Variants in TUT4 observed in about 807,000 individuals in gnomAD.
TUT4 encodes the protein terminal uridylyl transferase 4.
Under a neutral mutation model 192.2 loss-of-function variants are expected in TUT4, and 36 were observed. The ratio of observed to expected loss-of-function variants is 0.19; its 90% CI spans 0.14 to 0.25. The LOEUF is 0.25. Among genes scored for constraint, TUT4 ranks in the 10% least tolerant of loss-of-function variants. The pLI is 1.00. For missense variants in TUT4, 1,493 were observed against 1,957.2 expected, an observed-to-expected ratio of 0.76 and a Z score of 4.47; for synonymous variants, 618 against 666.0, an observed-to-expected ratio of 0.93 and a Z score of 1.11.
chr1:52,525,313 T>TACTA (rs995533521), intron 2 of TUT4, among the ~76,000 whole-genome samples: 3 of 152,240 alleles, frequency 2.0e-5, no homozygotes, highest in African/African-American at 4.8e-5. Flanking sequence ...CTAAAGAAGA[T>TACTA]ACTAAATTTT....
intron 1 of TUT4, among the ~76,000 whole-genome samples, chr1:52,539,990 G>A (rs550396027): frequency 7.5e-4 from 113 of 151,496 alleles, no homozygotes; most frequent in African/African-American, 2.2e-3. Context: ...AGGCCAAGGC[G>A]GGCAGATCAC....
chr1:52,459,676 T>A lies in TUT4; in HGVS notation c.3322-1227A>T, dbSNP rs1570531675. On this transcript the variant is annotated intron_variant, in intron 19 of 29. Coordinates refer to ENST00000257177, the MANE Select transcript of TUT4 (RefSeq NM_001009881.3). ...CGAGGCGGGCGGAGGAGGTCAGGAG[T>A]TCAAGACCAGCCTGGCCAACATGGC... is the stretch of plus-strand genomic sequence containing the variant. 3.3e-5 allele frequency among the ~76,000 whole-genome samples: 5 copies of A among 149,770 alleles called. 1 individual carries two copies. In the South Asian group the frequency reaches 1.1e-3, roughly 32 times the overall value.
In TUT4 at chr1:52,477,880, A is replaced by C. The variant is rs759616607; in HGVS notation, c.1851T>G (p.Ser617=). 1.3e-6 allele frequency: 2 copies of C among 1,576,038 alleles called. No individual in the cohort carries two copies. Among genetic ancestry groups the C allele is most frequent in the Admixed American group, 2.0e-5 (1 of 49,356 alleles). Residue 617 remains serine, a splice_region_variant and synonymous_variant, in exon 12 of 30, where the codon TCT becomes TCG. Coordinates refer to ENST00000257177, the MANE Select transcript of TUT4 (RefSeq NM_001009881.3). ...GATTTGGTGTTTCCAATGCTAAAGG[A>C]GACTGGAAAAGAAAAAATACTTTTC... The part of the protein sequence containing the change: ...SNAMKEKHGK[S]PLALETPNRV...
At chr1:52,482,131 T>C (rs998757789) in intron 9 of TUT4, among the ~76,000 whole-genome samples, 9 of 152,074 alleles carry the variant, frequency 5.9e-5, no homozygotes, top group Non-Finnish European at 1.2e-4. Context: ...CATACAAAGA[T>C]ACATATTTTT....
chr1:52,521,819 C>A (rs567075346), intron 2 of TUT4, among the ~76,000 whole-genome samples: 12 of 151,932 alleles, frequency 7.9e-5, no homozygotes, highest in African/African-American at 2.9e-4. Flanking sequence ...CAAAAATTAG[C>A]CAGGTGTGGT....
intron 5 of TUT4, 126 bp from the exon 6 acceptor site, chr1:52,495,641 CA>C (rs1672265588): frequency 1.7e-6 from 1 of 577,072 alleles, no homozygotes; most frequent in East Asian, 3.1e-5. Context: ...GACAATTATA[CA>C]AGAAGAACAC....
At chr1:52,485,344 C>A (rs1669520566) in intron 9 of TUT4, among the ~76,000 whole-genome samples, 1 of 152,008 alleles carries the variant, frequency 6.6e-6, no homozygotes, top group African/African-American at 2.4e-5. Context: ...TTACTAAATT[C>A]TCTTATTAAT....
chr1:52,426,872 T>C (rs1405709930), intron 28 of TUT4, among the ~76,000 whole-genome samples: 1 of 151,884 alleles, frequency 6.6e-6, no homozygotes, highest in African/African-American at 2.4e-5. Context: ...ATTTGAAAAA[T>C]GGGGGAAAAA....
intron 12 of TUT4, among the ~76,000 whole-genome samples, chr1:52,476,820 G>A (rs971277637): frequency 4.6e-5 from 7 of 152,168 alleles, no homozygotes; most frequent in Non-Finnish European, 8.8e-5. Flanking sequence ...TGAGGGAATG[G>A]AATAATATGT....
intron 1 of TUT4, among the ~76,000 whole-genome samples, chr1:52,532,204 GA>G (rs1683658064): frequency 6.6e-6 from 1 of 151,896 alleles, no homozygotes; most frequent in Admixed American, 6.6e-5. Context: ...TTACATGGTT[GA>G]AAAACAGTAC....
chr1:52,436,992 T>A lies in TUT4; in HGVS notation c.3939-14A>T. The A allele has an allele frequency of 1.2e-6, 2 of 1,611,788 alleles. No individual in the cohort carries two copies. Among genetic ancestry groups the A allele is most frequent in the Non-Finnish European group, 1.7e-6 (2 of 1,179,204 alleles). ...AACAGTAAACTGCTGATACCAATAA[T>A]GTGGGGCTAGGGACTTGTAAATTAA... is the stretch of plus-strand genomic sequence containing the variant. On this transcript the variant is annotated splice_polypyrimidine_tract_variant and intron_variant, in intron 25 of 29. Coordinates refer to ENST00000257177, the MANE Select transcript of TUT4 (RefSeq NM_001009881.3).
intron 20 of TUT4, among the ~76,000 whole-genome samples, chr1:52,450,066 G>C (rs977992989): frequency 2.0e-5 from 3 of 152,050 alleles, no homozygotes; most frequent in African/African-American, 4.8e-5. Context: ...ATTTGCTAGG[G>C]TAGAGCAAAA....
chr1:52,496,014 G>GA (rs1021900118), intron 5 of TUT4, among the ~76,000 whole-genome samples: 14 of 151,532 alleles, frequency 9.2e-5, no homozygotes, highest in African/African-American at 2.9e-4. Context: ...AGAGTTTATA[G>GA]AAAAAAAAGA....
chr1:52,507,920 T>TA (rs1188251092), intron 4 of TUT4, among the ~76,000 whole-genome samples: 1 of 152,044 alleles, frequency 6.6e-6, no homozygotes, highest in East Asian at 1.9e-4. Context: ...AAACAATTCT[T>TA]ATACCTCAGC....
At chr1:52,437,073 C>A in intron 25 of TUT4, 95 bp from the exon 26 acceptor site, 1 of 1,472,078 alleles carries the variant, frequency 6.8e-7, no homozygotes. Context: ...GACTAACATG[C>A]CCATCATTTC....
chr1:52,527,653 A>G (rs1331545487), intron 1 of TUT4, among the ~76,000 whole-genome samples: 1 of 152,190 alleles, frequency 6.6e-6, no homozygotes, highest in South Asian at 2.1e-4. Flanking sequence ...GTCATTACAC[A>G]TTTGTATAAT....
chr1:52,517,088 C>A (rs942625478), intron 2 of TUT4, among the ~76,000 whole-genome samples: 6 of 152,162 alleles, frequency 3.9e-5, no homozygotes, highest in Non-Finnish European at 5.9e-5. Context: ...TTGATGCTCC[C>A]CCATTAATAT....
chr1:52,516,268 A>G (rs541200936), intron 2 of TUT4, among the ~76,000 whole-genome samples: 1 of 152,286 alleles, frequency 6.6e-6, no homozygotes, highest in East Asian at 1.9e-4. Context: ...GGGTCAAATG[A>G]CTAGCTTGTT....
chr1:52,482,678 C>T (rs1173791182), intron 9 of TUT4, among the ~76,000 whole-genome samples: 1 of 152,146 alleles, frequency 6.6e-6, no homozygotes, highest in Non-Finnish European at 1.5e-5. Context: ...CAAAAGATCT[C>T]CCCGCTCGGC....
Sources: allele counts gnomAD v4.1 joint callset (sites outside exome capture counted in the v4.1 genomes callset), GRCh38; gene constraint gnomAD v4.1.1; transcripts MANE v1.5; gene names NCBI Gene and HGNC (gene_info 2026-07-23, HGNC 2026-07-21).